Variants in MYOM1 observed in about 807,000 individuals in gnomAD.
The protein encoded by MYOM1 is myomesin-1.
MYOM1 carries 164 observed loss-of-function variants against 205.3 expected under a neutral mutation model. The observed-to-expected ratio is 0.80, with a 90% CI of 0.70 to 0.91. The LOEUF (loss-of-function observed/expected upper bound fraction) is 0.91, where lower values mean the gene tolerates loss of function less well. Among genes scored for constraint, MYOM1 ranks in the 40% least tolerant of loss-of-function variants. The pLI, the probability that MYOM1 is intolerant of heterozygous loss-of-function variation, is 0.00. For synonymous variants in MYOM1, 772 were observed against 789.4 expected (o/e 0.98, Z 0.37); for missense variants, 2,011 against 2,127.3 (o/e 0.95, Z 1.08).
chr18:3,242,008 C>G, the MYOM1 span, among the ~76,000 whole-genome samples: 1 of 152,174 alleles, frequency 6.6e-6, no homozygotes, highest in Non-Finnish European at 1.5e-5. Flanking sequence ...GCCTGTACCC[C>G]CCTTGTATCT....
At position 3,194,464 on chromosome 18, in the gene MYOM1, T is replaced by C. The variant is rs535899193; in HGVS notation, c.291-506A>G. ...AAGGGACGTGGGGCTTATTAAATGATAGAGTTAACATATTTTATGGGAACA... is the reference window on the plus strand; with the variant it reads ...AAGGGACGTGGGGCTTATTAAATGACAGAGTTAACATATTTTATGGGAACA... On this transcript the variant is annotated intron_variant, in intron 2 of 37. Coordinates refer to ENST00000356443, the MANE Select transcript of MYOM1 (RefSeq NM_003803.4). 3.9e-5 allele frequency among the ~76,000 whole-genome samples: 6 copies of C among 152,294 alleles called. No homozygotes were observed. The East Asian group carries it at 7.7e-4, about 20-fold the overall frequency.
At chr18:3,086,010 A>G (rs2079148463) in intron 30 of MYOM1, 28 bp downstream of exon 30, 5 of 1,411,860 alleles carry the variant, frequency 3.5e-6, no homozygotes, top group South Asian at 3.5e-5. Flanking sequence ...GAGCTAATAT[A>G]TTACATTTTA....
At chr18:3,071,723 C>T (rs886508448) in intron 37 of MYOM1, 111 bp downstream of exon 37, 10 of 1,037,918 alleles carry the variant, frequency 9.6e-6, no homozygotes, top group South Asian at 7.0e-5. Flanking sequence ...CTATGGAGTA[C>T]GATGAAGGTG....
chr18:3,187,735 T>C (rs2080839466), intron 4 of MYOM1, 98 bp from the exon 5 acceptor site: 1 of 1,212,848 alleles, frequency 8.2e-7, no homozygotes, highest in African/African-American at 1.5e-5. Context: ...AAAAGTTTTA[T>C]TTTTCCATTT....
chr18:3,195,278 C>G (rs1481604136), intron 2 of MYOM1, among the ~76,000 whole-genome samples: 1 of 152,208 alleles, frequency 6.6e-6, no homozygotes, highest in African/African-American at 2.4e-5. Flanking sequence ...ACCACCTCCC[C>G]CAGTGGGGAA....
intron 2 of MYOM1, among the ~76,000 whole-genome samples, chr18:3,207,900 T>C (rs1320886822): frequency 6.6e-6 from 1 of 152,166 alleles, no homozygotes; most frequent in Non-Finnish European, 1.5e-5. Context: ...CCATCTCAAC[T>C]TGATTTAGGC....
At chr18:3,212,689 CAGGAAA>C (rs1435857338) in intron 2 of MYOM1, among the ~76,000 whole-genome samples, 1 of 152,110 alleles carries the variant, frequency 6.6e-6, no homozygotes, top group East Asian at 1.9e-4. Flanking sequence ...ACAAACAGTC[CAGGAAA>C]ATGGATATTT....
At chr18:3,172,926 C>T (rs2080582383) in intron 8 of MYOM1, among the ~76,000 whole-genome samples, 1 of 152,176 alleles carries the variant, frequency 6.6e-6, no homozygotes, top group African/African-American at 2.4e-5. Flanking sequence ...TGCCAGTGAT[C>T]ACAACTTGGG....
rs2079393948 is a variant in MYOM1, at chr18:3,102,536, C to T, written c.3513G>A (p.Trp1171Ter). ...DKMTPKSEFS[W>*]SKDYVSTEDS... is the part of the protein sequence containing the mutation. ...CCTCAGTGGATACATAATCTTTGGACCAGGAGAACTCGGACTTTGGAGTCA... is the reference window on the plus strand; with the variant it reads ...CCTCAGTGGATACATAATCTTTGGATCAGGAGAACTCGGACTTTGGAGTCA... Residue 1171 changes from tryptophan (W) to a stop codon, truncating the protein, a stop_gained, in exon 23 of 38, where the codon TGG (tryptophan) becomes TGA (stop). Coordinates refer to ENST00000356443, the MANE Select transcript of MYOM1 (RefSeq NM_003803.4). LOFTEE classifies it high-confidence loss of function. 6.2e-7 allele frequency: 1 copy of T among 1,613,852 alleles called. No individual in the cohort carries two copies. The highest frequency in any genetic ancestry group is 1.7e-5 in the Admixed American group (1 of 60,016).
intron 17 of MYOM1, 121 bp from the exon 18 acceptor site, chr18:3,129,640 T>A: frequency 1.9e-6 from 2 of 1,079,292 alleles, no homozygotes; most frequent in Non-Finnish European, 2.5e-6. Flanking sequence ...AGTCTTGGCT[T>A]AAAGAAAATC....
At chr18:3,219,992 C>G (rs1239863474), upstream of MYOM1, 1 of 152,240 alleles carries the variant, frequency 6.6e-6, no homozygotes, top group Non-Finnish European at 1.5e-5. The surrounding 1 kb of genome is among the most constrained non-coding windows in gnomAD (Gnocchi z 4.4). Context: ...CACAACCAGC[C>G]TTTTATGGCC....
intron 13 of MYOM1, among the ~76,000 whole-genome samples, chr18:3,145,714 A>G (rs1430097218): frequency 6.6e-6 from 1 of 152,120 alleles, no homozygotes; most frequent in Non-Finnish European, 1.5e-5. Flanking sequence ...TTCTACCTTA[A>G]GAAACAAGAA....
chr18:3,189,185 T>A lies in MYOM1; in HGVS notation c.432-98A>T. 2.6e-6 allele frequency: 3 copies of A among 1,139,202 alleles called. No homozygotes were observed. The highest frequency in any genetic ancestry group is 3.7e-6 in the Non-Finnish European group (3 of 816,228). The allele number at this position is 1,139,202 out of a possible 1,614,324, so 70.6% of individuals were successfully genotyped here. On this transcript the variant is annotated intron_variant, in intron 3 of 37. Coordinates refer to ENST00000356443, the MANE Select transcript of MYOM1 (RefSeq NM_003803.4). The surrounding 1 kb of genome is among the most constrained non-coding windows in gnomAD (Gnocchi z 4.8). ...AAAGTACCACATCTCAGACACTGTA[T>A]CCTGCACCAAAAGAAAATCCGACAT...
intron 2 of MYOM1, among the ~76,000 whole-genome samples, chr18:3,203,501 C>G (rs1271064989): frequency 6.6e-6 from 1 of 151,612 alleles, no homozygotes; most frequent in African/African-American, 2.4e-5. Flanking sequence ...AATGTAGATG[C>G]CTTTATGCCA....
intron 21 of MYOM1, 70 bp downstream of exon 21, chr18:3,116,261 T>A: frequency 6.8e-7 from 1 of 1,481,248 alleles, no homozygotes; most frequent in Non-Finnish European, 9.2e-7. Context: ...CTGTTTTATC[T>A]TGCTAACTTT....
At chr18:3,122,041 C>T (rs536292081) in intron 19 of MYOM1, among the ~76,000 whole-genome samples, 73 of 152,254 alleles carry the variant, frequency 4.8e-4, no homozygotes, top group Non-Finnish European at 6.8e-4. Flanking sequence ...ATTGTTTGAA[C>T]CCAGGAGGCG....
At chr18:3,125,157 C>T (rs1284997880) in intron 19 of MYOM1, among the ~76,000 whole-genome samples, 1 of 152,022 alleles carries the variant, frequency 6.6e-6, no homozygotes, top group Admixed American at 6.6e-5. Context: ...CTCACACACT[C>T]TTCAGAAGAC....
intron 22 of MYOM1, among the ~76,000 whole-genome samples, chr18:3,110,279 T>C (rs574868326): frequency 3.4e-4 from 52 of 152,244 alleles, no homozygotes; most frequent in African/African-American, 1.3e-3. Context: ...TGGGACAGAA[T>C]AGAAGCAGAG....
At chr18:3,161,978 C>T (rs1414886883) in intron 10 of MYOM1, among the ~76,000 whole-genome samples, 1 of 152,082 alleles carries the variant, frequency 6.6e-6, no homozygotes, top group East Asian at 1.9e-4. Flanking sequence ...TACCAGAAAA[C>T]CTAAATATAT....
Sources: allele counts gnomAD v4.1 joint callset (sites outside exome capture counted in the v4.1 genomes callset), GRCh38; gene constraint gnomAD v4.1.1; non-coding constraint Gnocchi (gnomAD v3.1); transcripts MANE v1.5; gene names NCBI Gene and HGNC (gene_info 2026-07-23, HGNC 2026-07-21).